The following TMEM132D variants were observed in gnomAD, a reference collection of about 807,000 sequenced individuals.
The protein encoded by TMEM132D is transmembrane protein 132D, also known as mature OL transmembrane protein.
Under a neutral mutation model 62.3 loss-of-function variants are expected in TMEM132D, and 21 were observed. The observed-to-expected ratio is 0.34, with a 90% CI of 0.24 to 0.49. The LOEUF is 0.49. Ranked by LOEUF, TMEM132D falls within the 20% of genes least tolerant of loss-of-function variation. TMEM132D has a pLI of 0.99. For synonymous variants in TMEM132D, 621 were observed against 575.6 expected (o/e 1.08, Z -1.13); for missense variants, 1,346 against 1,402.8 (o/e 0.96, Z 0.65).
chr12:129,575,279 A>G (rs1040536120), intron 2 of TMEM132D, among the ~76,000 whole-genome samples: 2 of 151,820 alleles, frequency 1.3e-5, no homozygotes, highest in Non-Finnish European at 2.9e-5. Context: ...ACAGTAGGCT[A>G]TTAGTAATTA....
Position 129,614,852 on chromosome 12 carries a change from C to T in TMEM132D, c.969-83647G>A, listed in dbSNP as rs954788947. 1.2e-4 allele frequency among the ~76,000 whole-genome samples: 19 copies of T among 152,150 alleles called. 1 individual carries two copies. The highest frequency in any genetic ancestry group is 4.6e-4 in the Admixed American group (7 of 15,280). ...TGTGATACATCTTGATTCTTAAAAGCTAGCCATGTCTAGTTAATTTTAATG... is the reference window on the plus strand; with the variant it reads ...TGTGATACATCTTGATTCTTAAAAGTTAGCCATGTCTAGTTAATTTTAATG... On this transcript the variant is annotated intron_variant, in intron 2 of 8. Coordinates refer to ENST00000422113, the MANE Select transcript of TMEM132D (RefSeq NM_133448.3).
intron 5 of TMEM132D, among the ~76,000 whole-genome samples, chr12:129,179,749 C>T (rs367740387): frequency 1.4e-4 from 22 of 152,206 alleles, no homozygotes; most frequent in East Asian, 5.8e-4. Context: ...TGACACCGGC[C>T]GGGCCCGGTG....
intron 5 of TMEM132D, among the ~76,000 whole-genome samples, chr12:129,119,728 G>A (rs531898242): frequency 2.6e-5 from 4 of 152,294 alleles, no homozygotes; most frequent in South Asian, 4.1e-4. Flanking sequence ...GGAGTCAGGC[G>A]CTGTCCTTGG....
intron 2 of TMEM132D, among the ~76,000 whole-genome samples, chr12:129,644,363 G>C (rs1182627801): frequency 1.3e-5 from 2 of 152,116 alleles, no homozygotes; most frequent in African/African-American, 4.8e-5. Flanking sequence ...CTCTGAGCAG[G>C]CTTCCTTTGC....
At chr12:129,849,094 T>A (rs1873451703) in intron 1 of TMEM132D, among the ~76,000 whole-genome samples, 1 of 152,196 alleles carries the variant, frequency 6.6e-6, no homozygotes, top group African/African-American at 2.4e-5. Flanking sequence ...ACATTCTATG[T>A]GGTCACGGAC....
rs2135611272 is a variant in TMEM132D, at chr12:129,078,632, C to T, written c.2017G>A (p.Val673Met). 6.2e-7 allele frequency: 1 copy of T among 1,614,148 alleles called. No individual in the cohort carries two copies. Among genetic ancestry groups the T allele is most frequent in the Non-Finnish European group, 8.5e-7 (1 of 1,180,024 alleles). The change falls in exon 8 of 9, where the codon GTG becomes ATG. Residue 673 changes from valine (V) to methionine (M), a missense_variant. By Grantham distance (21) the Val-to-Met change is conservative. Coordinates refer to ENST00000422113, the MANE Select transcript of TMEM132D (RefSeq NM_133448.3). The stretch of plus-strand genomic sequence containing the variant: ...TGCAAGGAGAGTGACAGCCCTGTCA[C>T]CAGCTGCACCCCGAGGTCTGTGATG... ...VTITDLGVQLVTGLSLSLQLS... is the reference protein window; with the variant it reads ...VTITDLGVQLMTGLSLSLQLS...
intron 1 of TMEM132D, among the ~76,000 whole-genome samples, chr12:129,711,596 G>A (rs1043206979): frequency 2.6e-5 from 4 of 151,750 alleles, no homozygotes; most frequent in Admixed American, 6.6e-5. Flanking sequence ...GCATGGTGGC[G>A]CAGGCCTGTA....
At chr12:129,403,587 C>T (rs188363194) in intron 3 of TMEM132D, among the ~76,000 whole-genome samples, 1 of 151,864 alleles carries the variant, frequency 6.6e-6, no homozygotes, top group South Asian at 2.1e-4. Flanking sequence ...AAGCAAGGAC[C>T]CTTCCTGAGC....
intron 1 of TMEM132D, among the ~76,000 whole-genome samples, chr12:129,742,968 C>T (rs1375327247): frequency 6.6e-6 from 1 of 152,340 alleles, no homozygotes; most frequent in African/African-American, 2.4e-5. Flanking sequence ...GAACACATTG[C>T]TTTTGTCTAA....
intron 1 of TMEM132D, among the ~76,000 whole-genome samples, chr12:129,715,945 C>T (rs1312145334): frequency 1.3e-5 from 2 of 152,130 alleles, no homozygotes; most frequent in African/African-American, 2.4e-5. Flanking sequence ...TAAGGCCACA[C>T]GCATTGCCAC....
intron 1 of TMEM132D, among the ~76,000 whole-genome samples, chr12:129,848,075 C>G (rs1873420289): frequency 6.6e-6 from 1 of 152,162 alleles, no homozygotes; most frequent in South Asian, 2.1e-4. Context: ...GTTGATTGAT[C>G]TGTTCAATTA....
At chr12:129,292,897 T>C (rs1461057346) in intron 4 of TMEM132D, among the ~76,000 whole-genome samples, 1 of 152,170 alleles carries the variant, frequency 6.6e-6, no homozygotes, top group East Asian at 1.9e-4. Flanking sequence ...CAGTGCCTAC[T>C]AACAAGGGCT....
At chr12:129,144,932 A>G (rs1202562625) in intron 5 of TMEM132D, among the ~76,000 whole-genome samples, 1 of 151,722 alleles carries the variant, frequency 6.6e-6, no homozygotes, top group Non-Finnish European at 1.5e-5. Flanking sequence ...CTATCTACCT[A>G]TCATCTAATC....
At chr12:129,644,822 C>CAA (rs56371039) in intron 2 of TMEM132D, among the ~76,000 whole-genome samples, 20,602 of 126,710 alleles carry the variant, frequency 0.16, 1,943 homozygotes, top group Non-Finnish European at 0.22. Context: ...ACTAAAAATA[C>CAA]AAAAAAAAAA....
At chr12:129,451,693 GA>G (rs1873291611) in intron 3 of TMEM132D, among the ~76,000 whole-genome samples, 1 of 152,164 alleles carries the variant, frequency 6.6e-6, no homozygotes, top group African/African-American at 2.4e-5. Context: ...CATGTGACAA[GA>G]AATCCAGAGA....
chr12:129,301,400 A>G (rs1275715389), intron 4 of TMEM132D, among the ~76,000 whole-genome samples: 1 of 152,070 alleles, frequency 6.6e-6, no homozygotes, highest in Non-Finnish European at 1.5e-5. Context: ...GTTTCCTAAC[A>G]TTTGCTCAGT....
intron 2 of TMEM132D, among the ~76,000 whole-genome samples, chr12:129,681,778 C>G (rs1461082040): frequency 2.0e-5 from 3 of 152,220 alleles, no homozygotes; most frequent in African/African-American, 7.2e-5. Flanking sequence ...CAATCCAACA[C>G]ACTCTCATCC....
intron 2 of TMEM132D, among the ~76,000 whole-genome samples, chr12:129,593,777 G>A (rs1294166267): frequency 6.6e-6 from 1 of 152,144 alleles, no homozygotes; most frequent in African/African-American, 2.4e-5. Flanking sequence ...AGCACTGGGA[G>A]GTGCAGAGAA....
intron 5 of TMEM132D, among the ~76,000 whole-genome samples, chr12:129,100,738 C>G (rs1875279336): frequency 6.6e-6 from 1 of 152,226 alleles, no homozygotes; most frequent in South Asian, 2.1e-4. Flanking sequence ...CCGTAGAGGT[C>G]TCCTGATGTA....
Sources: allele counts gnomAD v4.1 joint callset (sites outside exome capture counted in the v4.1 genomes callset), GRCh38; gene constraint gnomAD v4.1.1; transcripts MANE v1.5; gene names NCBI Gene and HGNC (gene_info 2026-07-23, HGNC 2026-07-21).